PARVB: variants seen among roughly 807,000 people sequenced by gnomAD.
PARVB encodes the protein parvin beta.
PARVB carries 46 observed loss-of-function variants against 47.0 expected under a neutral mutation model. That is an observed-to-expected ratio of 0.98 (90% CI 0.77 to 1.25). The LOEUF is 1.25. PARVB is among the 50% of genes most tolerant of loss of function. The pLI, the probability that PARVB is intolerant of heterozygous loss-of-function variation, is 0.00. For missense variants in PARVB, 473 were observed against 471.6 expected (o/e 1.00, Z -0.03); for synonymous variants, 196 against 196.3 (o/e 1.00, Z 0.01).
At position 44,125,232 on chromosome 22, in the gene PARVB, T is replaced by C. The variant is rs1487457180; in HGVS notation, c.376+6092T>C. 1.3e-5 allele frequency among the ~76,000 whole-genome samples: 2 copies of C among 152,170 alleles called. No individual in the cohort carries two copies. Among genetic ancestry groups the C allele is most frequent in the African/African-American group, 2.4e-5 (1 of 41,432 alleles). ...GTCACACATTCATTCATTCATCTGATGAATGAATGTTCATTGGCTTACATG... is the reference window on the plus strand; with the variant it reads ...GTCACACATTCATTCATTCATCTGACGAATGAATGTTCATTGGCTTACATG... On this transcript the variant is annotated intron_variant, in intron 4 of 12. Coordinates refer to ENST00000338758, the MANE Select transcript of PARVB (RefSeq NM_013327.5). This position sits in a 1 kb window ranked among gnomAD's most constrained non-coding sequence, Gnocchi z 4.1.
chr22:44,068,518 C>T lies in PARVB; in HGVS notation c.113-25410C>T, dbSNP rs945884689. Reference sequence around the variant, plus strand: ...CGAGAGCAGCCTGCCGCCTCCGTGTCGGGGCAGCCTCAGCTTCTTCTTTCT... The same window carrying T: ...CGAGAGCAGCCTGCCGCCTCCGTGTTGGGGCAGCCTCAGCTTCTTCTTTCT... On this transcript the variant is annotated intron_variant, in intron 1 of 12. Coordinates refer to ENST00000338758, the MANE Select transcript of PARVB (RefSeq NM_013327.5). The surrounding 1 kb of genome is among the most constrained non-coding windows in gnomAD (Gnocchi z 4.1). Among the ~76,000 whole-genome samples, 9 of 152,170 alleles carry T rather than the reference C, an allele frequency of 5.9e-5. No individual in the cohort carries two copies. The highest frequency in any genetic ancestry group is 2.1e-4 in the South Asian group (1 of 4,822).
rs1326986581 is a variant in PARVB at position 44,170,832 on chromosome 22, A to T, written c.*2154A>T. The T allele has an allele frequency of 6.6e-6, 1 of 152,236 alleles. No homozygotes were observed. The highest frequency in any genetic ancestry group is 1.9e-4 in the East Asian group (1 of 5,196). The allele number at this position is 152,236 out of a possible 1,614,324, so 9.4% of individuals were successfully genotyped here. On this transcript the variant is annotated 3_prime_UTR_variant, in exon 13 of 13. Transcript: ENST00000338758. ...TTAGCTTTTTGTCTTCCTGCCGCAG[A>T]TCAGAGCTTTGGAGTAAGTTTTGAT... is the stretch of plus-strand genomic sequence containing the variant.
At chr22:44,025,377 C>T (rs533037818) in intron 1 of PARVB, among the ~76,000 whole-genome samples, 2 of 152,138 alleles carry the variant, frequency 1.3e-5, no homozygotes, top group African/African-American at 4.8e-5. Context: ...CATTTCTTCC[C>T]TGGGACTCTT....
chr22:44,042,879 C>G (rs1343251494), intron 1 of PARVB, among the ~76,000 whole-genome samples: 1 of 152,076 alleles, frequency 6.6e-6, no homozygotes, highest in African/African-American at 2.4e-5. Flanking sequence ...AAAGAATATC[C>G]TTTTTGTAAA....
chr22:44,065,895 C>G (rs986292960), intron 1 of PARVB, among the ~76,000 whole-genome samples: 15 of 151,016 alleles, frequency 9.9e-5, no homozygotes, highest in African/African-American at 2.9e-4. Context: ...ACTGAAATTT[C>G]TTTATCCACT....
chr22:44,130,250 A>G (rs4823194), intron 4 of PARVB, among the ~76,000 whole-genome samples: 24,362 of 152,244 alleles, frequency 0.16, 2,425 homozygotes, highest in Admixed American at 0.23. Flanking sequence ...GAACCATCTC[A>G]CGATGCTCTG....
At chr22:44,051,362 C>T (rs1439277117) in intron 1 of PARVB, among the ~76,000 whole-genome samples, 1 of 152,136 alleles carries the variant, frequency 6.6e-6, no homozygotes, top group Non-Finnish European at 1.5e-5. Flanking sequence ...GTTCGGCTGG[C>T]CACACTGCCA....
chr22:44,075,323 C>G (rs2051745051), intron 1 of PARVB, among the ~76,000 whole-genome samples: 1 of 152,210 alleles, frequency 6.6e-6, no homozygotes, highest in Non-Finnish European at 1.5e-5. Context: ...ATTTTTAGAG[C>G]ACTTTTAAGT....
rs766477674 is a variant in PARVB, at chr22:44,024,406, G to C, written c.67G>C (p.Gly23Arg). ...RRMKKDESFL[G>R]KLGGTLARKR... Reference sequence around the variant, plus strand: ...GATGAAGAAGGACGAGTCGTTCCTGGGCAAGCTGGGCGGCACCCTGGCCAG... The same window carrying C: ...GATGAAGAAGGACGAGTCGTTCCTGCGCAAGCTGGGCGGCACCCTGGCCAG... Residue 23 changes from glycine (G) to arginine (R), a missense_variant, in exon 1 of 13, where the codon GGC (glycine) becomes CGC (arginine). Transcript: ENST00000338758. The C allele has an allele frequency of 7.9e-7, 1 of 1,260,866 alleles. No homozygotes were observed. Among genetic ancestry groups the C allele is most frequent in the Non-Finnish European group, 1.0e-6 (1 of 989,110 alleles). 78.1% of individuals were successfully genotyped at this position (1,260,866 alleles called of 1,614,324 possible). A position where few individuals can be genotyped will look rare whatever the true frequency, so the allele number is the denominator to read the frequency against.
intron 4 of PARVB, among the ~76,000 whole-genome samples, chr22:44,129,948 G>A (rs891502287): frequency 3.3e-5 from 5 of 152,316 alleles, no homozygotes; most frequent in East Asian, 1.9e-4. Flanking sequence ...GGGGTATTCC[G>A]AGCCCAGCAG....
chr22:44,097,608 C>T (rs2052339524), intron 2 of PARVB, among the ~76,000 whole-genome samples: 3 of 152,192 alleles, frequency 2.0e-5, no homozygotes, highest in Admixed American at 2.0e-4. Context: ...GCTCCCTGGT[C>T]TGTGCAGAGC....
At chr22:44,057,487 T>C (rs2051337261) in intron 1 of PARVB, among the ~76,000 whole-genome samples, 1 of 151,906 alleles carries the variant, frequency 6.6e-6, no homozygotes, top group African/African-American at 2.4e-5. Flanking sequence ...CGCTGTGTCC[T>C]GAGAGCTGTC....
intron 1 of PARVB, among the ~76,000 whole-genome samples, chr22:44,036,592 A>G (rs906296785): frequency 6.6e-6 from 1 of 152,218 alleles, no homozygotes; most frequent in Non-Finnish European, 1.5e-5. Context: ...AAGTGGACTC[A>G]TATAATTCAA....
chr22:44,016,099 CTT>C (rs562590606), intron 2 of PARVB, among the ~76,000 whole-genome samples: 10 of 129,156 alleles, frequency 7.7e-5, no homozygotes, highest in Non-Finnish European at 1.3e-4. Context: ...TTCTTTCTTT[CTT>C]TTTTTTTTTT....
intron 4 of PARVB, among the ~76,000 whole-genome samples, chr22:44,120,851 T>C (rs926652472): frequency 3.3e-5 from 5 of 151,600 alleles, no homozygotes; most frequent in Non-Finnish European, 2.9e-5. Flanking sequence ...GTTTTTTTTT[T>C]TTCTTTTTTT....
chr22:44,026,787 G>A (rs941513146), intron 1 of PARVB, among the ~76,000 whole-genome samples: 2 of 151,750 alleles, frequency 1.3e-5, no homozygotes, highest in South Asian at 2.1e-4. Context: ...TTGGGAGAAC[G>A]GATGTGGCTC....
intron 12 of PARVB, among the ~76,000 whole-genome samples, chr22:44,166,940 A>G (rs1418970373): frequency 1.3e-5 from 2 of 152,206 alleles, no homozygotes; most frequent in African/African-American, 4.8e-5. Flanking sequence ...AGGCAGACTT[A>G]CCCGGGTACC....
chr22:44,123,889 A>G (rs2053129021), intron 4 of PARVB, among the ~76,000 whole-genome samples: 1 of 152,264 alleles, frequency 6.6e-6, no homozygotes, highest in Non-Finnish European at 1.5e-5. Flanking sequence ...TGCTGAAATT[A>G]CGTGGATGGA....
intron 3 of PARVB, chr22:44,115,145 A>G (rs1345310959): frequency 4.3e-5 from 3 of 69,342 alleles, no homozygotes; most frequent in Admixed American, 2.6e-4. Flanking sequence ...CAACACAGAT[A>G]CACTGTTACT....
Sources: allele counts gnomAD v4.1 joint callset (sites outside exome capture counted in the v4.1 genomes callset), GRCh38; gene constraint gnomAD v4.1.1; non-coding constraint Gnocchi (gnomAD v3.1); transcripts MANE v1.5; gene names NCBI Gene and HGNC (gene_info 2026-07-23, HGNC 2026-07-21).